PANK3: variants seen among roughly 807,000 people sequenced by gnomAD.
PANK3 encodes hPanK3.
PANK3 carries 20 observed loss-of-function variants against 39.4 expected under a neutral mutation model. That is an observed-to-expected ratio of 0.51 (90% CI 0.36 to 0.74). The LOEUF (loss-of-function observed/expected upper bound fraction) is 0.74, where lower values mean the gene tolerates loss of function less well. Among genes scored for constraint, PANK3 ranks in the 30% least tolerant of loss-of-function variants. The probability of loss-of-function intolerance (pLI) is 0.00; values close to 1 mark genes in which losing one functional copy is unlikely to be tolerated. For synonymous variants in PANK3, 140 were observed against 157.3 expected (o/e 0.89, Z 0.82); for missense variants, 265 against 437.0 (o/e 0.61, Z 3.51).
At chr5:168,561,270 T>A (rs1759442829) in intron 5 of PANK3, 123 bp downstream of exon 5, 1 of 780,258 alleles carries the variant, frequency 1.3e-6, no homozygotes, top group African/African-American at 1.7e-5. Flanking sequence ...GTCTTGGCAT[T>A]TAATGGGTTA....
chr5:168,571,770 T>C (rs1320127063), intron 1 of PANK3, among the ~76,000 whole-genome samples: 4 of 152,184 alleles, frequency 2.6e-5, no homozygotes, highest in Non-Finnish European at 4.4e-5. Context: ...TAGTATATAA[T>C]TTTTAATACG....
At chr5:168,578,543 A>C (rs1378076252) in intron 1 of PANK3, 3 of 152,216 alleles carry the variant, frequency 2.0e-5, no homozygotes, top group African/African-American at 4.8e-5. Context: ...TTAAAAGACT[A>C]AACATAAAAG....
At chr5:168,570,206 C>T (rs146246408) in intron 1 of PANK3, among the ~76,000 whole-genome samples, 4,946 of 151,882 alleles carry the variant, frequency 0.033, 238 homozygotes, top group African/African-American at 0.11. Context: ...CACAGCGAAA[C>T]CCCGTCTCTA....
In PANK3 at chr5:168,565,888, T is replaced by A. The variant is rs1181779967; in HGVS notation, c.635+125A>T. 1.6e-3 allele frequency: 415 copies of A among 262,210 alleles called. 5 individuals carry two copies. The highest frequency in any genetic ancestry group is 7.4e-3 in the African/African-American group (309 of 41,720). The allele number at this position is 262,210 out of a possible 1,614,324, so 16.2% of individuals were successfully genotyped here. A position where few individuals can be genotyped will look rare whatever the true frequency, so the allele number is the denominator to read the frequency against. ...AAAAAAATATATATATATATATATT[T>A]TTTTTTTTTGCTGTTGTGCAAATAC... On this transcript the variant is annotated intron_variant, in intron 3 of 6. Transcript: ENST00000239231.
chr5:168,572,141 T>A (rs540177944), intron 1 of PANK3, among the ~76,000 whole-genome samples: 75 of 131,650 alleles, frequency 5.7e-4, no homozygotes, highest in Admixed American at 9.1e-4. Flanking sequence ...TGAGATGGAG[T>A]CTTGCTCTGT....
intron 6 of PANK3, 147 bp downstream of exon 6, chr5:168,558,885 T>C (rs1452998320): frequency 2.5e-5 from 15 of 609,240 alleles, no homozygotes; most frequent in African/African-American, 5.8e-5. Flanking sequence ...CTTGGGAGGC[T>C]GAGGTGGGAG....
Position 168,551,883 on chromosome 5 carries a change from CA to C in PANK3, c.*5687del, listed in dbSNP as rs1759276762. On this transcript the variant is annotated 3_prime_UTR_variant, in exon 7 of 7. Transcript: ENST00000239231. ...TACTGGCAATAGTACTGACTTTACC[CA>C]AACTAAGAGACCACCTAATTTCCAA... The C allele has an allele frequency of 6.6e-6, 1 of 152,162 alleles. No individual in the cohort carries two copies. Among genetic ancestry groups the C allele is most frequent in the Non-Finnish European group, 1.5e-5 (1 of 68,038 alleles). 9.4% of individuals were successfully genotyped at this position (152,162 alleles called of 1,614,324 possible).
At chr5:168,566,757 T>C (rs1759542238) in intron 2 of PANK3, among the ~76,000 whole-genome samples, 1 of 152,172 alleles carries the variant, frequency 6.6e-6, no homozygotes, top group African/African-American at 2.4e-5. Flanking sequence ...CATTCATTCA[T>C]TTTTGAGACA....
intron 6 of PANK3, 21 bp downstream of exon 6, chr5:168,559,011 A>G (rs1481541576): frequency 3.8e-6 from 6 of 1,594,694 alleles, no homozygotes; most frequent in Non-Finnish European, 5.1e-6. Flanking sequence ...AAAATTCACA[A>G]AAAACATTTT....
intron 3 of PANK3, among the ~76,000 whole-genome samples, chr5:168,565,334 G>T (rs912965277): frequency 1.3e-5 from 2 of 151,882 alleles, no homozygotes; most frequent in Admixed American, 6.6e-5. Context: ...CGTATTTCAG[G>T]TATTACAGAA....
At position 168,551,851 on chromosome 5, in the gene PANK3, T is replaced by C. The variant is rs1407770473; in HGVS notation, c.*5720A>G. 1 of 152,206 alleles carries C rather than the reference T, an allele frequency of 6.6e-6. No individual in the cohort carries two copies. The highest frequency in any genetic ancestry group is 1.5e-5 in the Non-Finnish European group (1 of 68,038). The allele number at this position is 152,206 out of a possible 1,614,324, so 9.4% of individuals were successfully genotyped here. On this transcript the variant is annotated 3_prime_UTR_variant, in exon 7 of 7. Coordinates refer to ENST00000239231, the MANE Select transcript of PANK3 (RefSeq NM_024594.4). The stretch of plus-strand genomic sequence containing the variant: ...CCACTTTAAGGGCTTTCAATTACCA[T>C]GTATATTACTGGCAATAGTACTGAC...
At chr5:168,576,749 C>A (rs1347827949) in intron 1 of PANK3, among the ~76,000 whole-genome samples, 1 of 151,312 alleles carries the variant, frequency 6.6e-6, no homozygotes, top group African/African-American at 2.4e-5. Flanking sequence ...AAAGAAAATG[C>A]CATACACACA....
In PANK3 at chr5:168,569,007, G is replaced by GTA; in HGVS notation, c.29-10_29-9insTA. 1.4e-4 allele frequency: 25 copies of GTA among 179,470 alleles called. No individual in the cohort carries two copies. Among genetic ancestry groups the GTA allele is most frequent in the South Asian group, 6.3e-4 (2 of 3,178 alleles). The allele number at this position is 179,470 out of a possible 1,614,324, so 11.1% of individuals were successfully genotyped here. A position where few individuals can be genotyped will look rare whatever the true frequency, so the allele number is the denominator to read the frequency against. ...GCCAAACCATGGGAAAGCTATGGGA[G>GTA]GAAAAAAAAAAAAAAAAAAAAAAAT... On this transcript the variant is annotated splice_polypyrimidine_tract_variant and intron_variant, in intron 1 of 6. Coordinates refer to ENST00000239231, the MANE Select transcript of PANK3 (RefSeq NM_024594.4).
At chr5:168,564,802 T>C (rs536977089) in intron 3 of PANK3, among the ~76,000 whole-genome samples, 1 of 152,314 alleles carries the variant, frequency 6.6e-6, no homozygotes, top group South Asian at 2.1e-4. Context: ...CTGACATGGA[T>C]GAAATCAATT....
chr5:168,561,593 C>A (rs1561840011), intron 4 of PANK3, 77 bp from the exon 5 acceptor site: 1 of 1,225,894 alleles, frequency 8.2e-7, no homozygotes. Flanking sequence ...ATATCTACAA[C>A]CTGGATATTT....
chr5:168,574,344 C>T (rs998718144), intron 1 of PANK3, among the ~76,000 whole-genome samples: 24 of 151,860 alleles, frequency 1.6e-4, no homozygotes, highest in East Asian at 7.7e-4. Context: ...TCATGTCCTT[C>T]GCCCACTTTT....
At position 168,550,175 on chromosome 5, in the gene PANK3, C is replaced by T. The variant is rs982955204; in HGVS notation, c.*7396G>A. 2.0e-5 allele frequency: 3 copies of T among 152,170 alleles called. No homozygotes were observed. Among genetic ancestry groups the T allele is most frequent in the African/African-American group, 7.2e-5 (3 of 41,440 alleles). 9.4% of individuals were successfully genotyped at this position (152,170 alleles called of 1,614,324 possible). On this transcript the variant is annotated 3_prime_UTR_variant, in exon 7 of 7. Transcript: ENST00000239231. ...TGGGATAACGATATGTGGTACAATA[C>T]TCTTATTTGAGATATTAAACACTTC...
intron 1 of PANK3, among the ~76,000 whole-genome samples, chr5:168,578,026 A>C (rs933302432): frequency 1.3e-5 from 2 of 152,232 alleles, no homozygotes; most frequent in African/African-American, 4.8e-5. Flanking sequence ...AGTTATAAAT[A>C]ATTTTTTAAA....
intron 3 of PANK3, 99 bp from the exon 4 acceptor site, chr5:168,564,164 A>G: frequency 9.3e-7 from 1 of 1,072,576 alleles, no homozygotes; most frequent in Non-Finnish European, 1.3e-6. Context: ...GAACACACAG[A>G]AAAAAAACCT....
Sources: gnomAD v4.1 joint callset for allele counts (sites outside exome capture counted in the v4.1 genomes callset) on GRCh38, gnomAD v4.1.1 for gene constraint, MANE v1.5 for transcripts, NCBI Gene and HGNC (gene_info 2026-07-23, HGNC 2026-07-21) for gene names.